The following TLE4 variants were observed in gnomAD, a reference collection of about 807,000 sequenced individuals.
The protein encoded by TLE4 is transducin-like enhancer protein 4.
In TLE4, 8 loss-of-function variants were observed where a neutral mutation model predicts 92.8. That is an observed-to-expected ratio of 0.09 (90% CI 0.05 to 0.16). The LOEUF is 0.16. Ranked by LOEUF, TLE4 falls within the 10% of genes least tolerant of loss-of-function variation. The pLI is 1.00. For missense variants in TLE4, 675 were observed against 997.6 expected, an observed-to-expected ratio of 0.68 and a Z score of 4.36; for synonymous variants, 371 against 374.1, an observed-to-expected ratio of 0.99 and a Z score of 0.10.
At chr9:79,578,922 A>G (rs1009132593) in intron 4 of TLE4, among the ~76,000 whole-genome samples, 2 of 148,934 alleles carry the variant, frequency 1.3e-5, no homozygotes, top group African/African-American at 5.0e-5. Context: ...TTTAGGATTG[A>G]TAGAGCTAAG....
intron 4 of TLE4, among the ~76,000 whole-genome samples, chr9:79,592,551 G>C (rs1406528195): frequency 2.6e-5 from 4 of 152,088 alleles, no homozygotes; most frequent in Non-Finnish European, 2.9e-5. Flanking sequence ...GCAAAGTGCT[G>C]GGATCACAGG....
intron 5 of TLE4, among the ~76,000 whole-genome samples, chr9:79,615,481 C>T (rs1482160148): frequency 5.9e-5 from 9 of 152,070 alleles, no homozygotes; most frequent in Admixed American, 2.0e-4. Context: ...TTGGCTGGAG[C>T]GATTGTGAGC....
At chr9:79,586,340 C>T (rs1004679748) in intron 4 of TLE4, among the ~76,000 whole-genome samples, 9 of 150,240 alleles carry the variant, frequency 6.0e-5, no homozygotes, top group Non-Finnish European at 1.2e-4. Context: ...TCCAGCCTGA[C>T]GTCAGAGCAA....
chr9:79,629,353 G>T (rs571038401), intron 6 of TLE4, among the ~76,000 whole-genome samples: 16 of 152,088 alleles, frequency 1.1e-4, no homozygotes, highest in African/African-American at 3.9e-4. Flanking sequence ...TTCACATCAA[G>T]AATATTTTTA....
chr9:79,630,312 A>G (rs1052798889), intron 6 of TLE4, among the ~76,000 whole-genome samples: 2 of 152,210 alleles, frequency 1.3e-5, no homozygotes, highest in African/African-American at 2.4e-5. Flanking sequence ...TCTCTTGACA[A>G]TAAGCTGGTT....
chr9:79,643,126 C>G (rs574444158), intron 6 of TLE4, among the ~76,000 whole-genome samples: 1 of 152,292 alleles, frequency 6.6e-6, no homozygotes, highest in South Asian at 2.1e-4. Context: ...TTCCCAGCCT[C>G]TACAACTACA....
chr9:79,724,419 A>G (rs1408472127), intron 19 of TLE4, among the ~76,000 whole-genome samples: 1 of 152,090 alleles, frequency 6.6e-6, no homozygotes, highest in Non-Finnish European at 1.5e-5. Context: ...AGGGTTTGAA[A>G]TAAGGTCTTG....
Position 79,725,335 on chromosome 9 carries a change from G to T in TLE4, c.*191G>T. The T allele has an allele frequency of 2.1e-6, 1 of 474,706 alleles. No individual in the cohort carries two copies. Among genetic ancestry groups the T allele is most frequent in the Non-Finnish European group, 3.8e-6 (1 of 263,258 alleles). 29.4% of individuals were successfully genotyped at this position (474,706 alleles called of 1,614,324 possible). On this transcript the variant is annotated 3_prime_UTR_variant, in exon 20 of 20. Transcript: ENST00000376552. ...TTGTGAATAGTCATTAAAAACCTGT[G>T]ATACCAAATCTTCAGCTGTCTACTT...
intron 8 of TLE4, among the ~76,000 whole-genome samples, chr9:79,684,544 G>T (rs561345534): frequency 4.7e-4 from 71 of 152,076 alleles, no homozygotes; most frequent in Non-Finnish European, 9.1e-4. Flanking sequence ...CTTAACTATT[G>T]CCTGATGATC....
chr9:79,695,397 C>T (rs945421412), intron 8 of TLE4, among the ~76,000 whole-genome samples: 11 of 151,928 alleles, frequency 7.2e-5, no homozygotes, highest in Non-Finnish European at 1.5e-5. Context: ...GTATTACAGG[C>T]ATTATATTAA....
At chr9:79,596,748 C>T (rs529141449) in intron 4 of TLE4, among the ~76,000 whole-genome samples, 2 of 152,164 alleles carry the variant, frequency 1.3e-5, no homozygotes, top group African/African-American at 4.8e-5. Flanking sequence ...GGATTTTATT[C>T]GTAAGCCTAC....
At chr9:79,583,489 A>G (rs985143846) in intron 4 of TLE4, among the ~76,000 whole-genome samples, 13 of 152,274 alleles carry the variant, frequency 8.5e-5, no homozygotes, top group East Asian at 5.8e-4. Context: ...ACAATACTCT[A>G]TCCCCAACCT....
chr9:79,684,798 A>G (rs2065470817), intron 8 of TLE4, among the ~76,000 whole-genome samples: 1 of 152,140 alleles, frequency 6.6e-6, no homozygotes. Flanking sequence ...TCTTTGCATC[A>G]TGTGTGCTAC....
At chr9:79,700,382 T>C (rs538169074) in intron 8 of TLE4, among the ~76,000 whole-genome samples, 1 of 152,190 alleles carries the variant, frequency 6.6e-6, no homozygotes, top group Non-Finnish European at 1.5e-5. Context: ...TAGAAGTCTT[T>C]CTCATACATT....
chr9:79,650,127 G>A (rs2058723548), intron 6 of TLE4, among the ~76,000 whole-genome samples: 1 of 152,004 alleles, frequency 6.6e-6, no homozygotes, highest in African/African-American at 2.4e-5. Flanking sequence ...TGTTGCCCAG[G>A]CTGGTCTCAA....
At chr9:79,697,425 A>T (rs574697010) in intron 8 of TLE4, among the ~76,000 whole-genome samples, 1 of 152,198 alleles carries the variant, frequency 6.6e-6, no homozygotes, top group South Asian at 2.1e-4. Flanking sequence ...TACTTGTTCC[A>T]ACTCATTCAT....
chr9:79,713,922 G>A (rs945932974), intron 14 of TLE4, among the ~76,000 whole-genome samples: 1 of 152,038 alleles, frequency 6.6e-6, no homozygotes, highest in Admixed American at 6.5e-5. Flanking sequence ...GGAGTGTAGT[G>A]GCTCAATCTC....
chr9:79,592,555 T>C (rs1434159728), intron 4 of TLE4, among the ~76,000 whole-genome samples: 1 of 152,128 alleles, frequency 6.6e-6, no homozygotes. Flanking sequence ...AGTGCTGGGA[T>C]CACAGGGGTG....
At chr9:79,643,604 A>C (rs558091613) in intron 6 of TLE4, among the ~76,000 whole-genome samples, 19 of 152,018 alleles carry the variant, frequency 1.2e-4, no homozygotes, top group African/African-American at 4.1e-4. Flanking sequence ...CACAGTCTAC[A>C]TTTGTCTGTT....
Sources: gnomAD v4.1 joint callset for allele counts (sites outside exome capture counted in the v4.1 genomes callset) on GRCh38, gnomAD v4.1.1 for gene constraint, MANE v1.5 for transcripts, NCBI Gene and HGNC (gene_info 2026-07-23, HGNC 2026-07-21) for gene names.